The following EIF4G3 variants were observed in gnomAD, a reference collection of about 807,000 sequenced individuals.
EIF4G3 encodes the protein eukaryotic translation initiation factor 4 gamma 3.
Under a neutral mutation model 186.4 loss-of-function variants are expected in EIF4G3, and 34 were observed. That is an observed-to-expected ratio of 0.18 (90% confidence interval 0.14 to 0.24). The LOEUF is 0.24. EIF4G3 is among the 10% of genes least tolerant of loss of function. The pLI, the probability that EIF4G3 is intolerant of heterozygous loss-of-function variation, is 1.00. For missense variants in EIF4G3, 1,536 were observed against 1,948.5 expected (o/e 0.79, Z 3.99); for synonymous variants, 673 against 679.5 (o/e 0.99, Z 0.15).
Position 21,151,236 on chromosome 1 carries a change from C to CTTT in EIF4G3, c.-272+24936_-272+24938dup, listed in dbSNP as rs71014161. On this transcript the variant is annotated intron_variant, in intron 2 of 36. Transcript: ENST00000602326. ...TTTAATGGTTATATAGTATTTCTTT[C>CTTT]TTTTTTTTTTTTTTTTTTTTGAGAT... Among the ~76,000 whole-genome samples the CTTT allele has an allele frequency of 1.2e-4, 10 of 80,436 alleles. 1 individual carries two copies. The highest frequency in any genetic ancestry group is 3.4e-4 in the African/African-American group (7 of 20,792). The allele number at this position is 80,436 out of a possible 152,430, so 52.8% of individuals were successfully genotyped here.
At chr1:20,947,142 T>C (rs1188465674) in intron 13 of EIF4G3, among the ~76,000 whole-genome samples, 1 of 150,974 alleles carries the variant, frequency 6.6e-6, no homozygotes, top group Non-Finnish European at 1.5e-5. Context: ...AGCTCAGGAG[T>C]TTGAGACCAG....
chr1:21,027,231 C>T (rs1431991345), intron 4 of EIF4G3, among the ~76,000 whole-genome samples: 13 of 140,298 alleles, frequency 9.3e-5, no homozygotes, highest in African/African-American at 3.2e-4. Flanking sequence ...CTCGCTCTGT[C>T]GCCCAGGCTG....
intron 20 of EIF4G3, among the ~76,000 whole-genome samples, chr1:20,868,709 T>C (rs1384262694): frequency 2.0e-5 from 3 of 152,172 alleles, no homozygotes; most frequent in Non-Finnish European, 4.4e-5. Flanking sequence ...CACTAAAATG[T>C]GTGTGTTTAA....
intron 30 of EIF4G3, among the ~76,000 whole-genome samples, chr1:20,834,096 T>C (rs760810829): frequency 1.2e-4 from 18 of 152,154 alleles, no homozygotes; most frequent in Non-Finnish European, 2.6e-4. Flanking sequence ...TCAATAATTA[T>C]GTCACATGTA....
At chr1:21,017,698 T>C (rs927477179) in intron 4 of EIF4G3, among the ~76,000 whole-genome samples, 6 of 150,488 alleles carry the variant, frequency 4.0e-5, no homozygotes, top group African/African-American at 1.5e-4. Flanking sequence ...ATCTGTAAAT[T>C]TGTGAGAGTT....
At chr1:21,108,072 T>C (rs1018478109) in intron 2 of EIF4G3, among the ~76,000 whole-genome samples, 3 of 152,310 alleles carry the variant, frequency 2.0e-5, no homozygotes, top group Admixed American at 6.5e-5. Context: ...CGCTTAAGCC[T>C]GGGAGGCAGA....
chr1:20,923,784 CCTCCT>C (rs2094658621), intron 14 of EIF4G3, among the ~76,000 whole-genome samples: 1 of 147,606 alleles, frequency 6.8e-6, no homozygotes, highest in African/African-American at 2.5e-5. Flanking sequence ...TCACTTCCTC[CCTCCT>C]CTCTTCACCT....
Position 21,045,081 on chromosome 1 carries a change from C to T in EIF4G3, c.-67+5785G>A, listed in dbSNP as rs147905344. ...GCTGCAGTGAGCTATGATCACACTG[C>T]TGCACTCCAGCCTGGGTGACAGAGT... is the stretch of plus-strand genomic sequence containing the variant. On this transcript the variant is annotated intron_variant, in intron 4 of 36. Coordinates refer to ENST00000602326, the MANE Select transcript of EIF4G3 (RefSeq NM_001391906.1). Among the ~76,000 whole-genome samples the T allele has an allele frequency of 1.2e-3, 190 of 152,154 alleles. 4 individuals carry two copies. The highest frequency in any genetic ancestry group is 4.4e-4 in the Non-Finnish European group (30 of 68,008).
intron 14 of EIF4G3, among the ~76,000 whole-genome samples, chr1:20,911,005 T>C (rs2093104045): frequency 1.3e-5 from 2 of 152,240 alleles, no homozygotes; most frequent in Admixed American, 1.3e-4. Context: ...ACTTTTAAAG[T>C]TGATTTTCAT....
At chr1:20,930,049 G>A (rs1005663427) in intron 14 of EIF4G3, among the ~76,000 whole-genome samples, 1 of 152,166 alleles carries the variant, frequency 6.6e-6, no homozygotes, top group Admixed American at 6.5e-5. Context: ...AGTCTATTAA[G>A]TGTGAAATAG....
chr1:21,132,939 C>T (rs905466599), intron 2 of EIF4G3, among the ~76,000 whole-genome samples: 1 of 151,836 alleles, frequency 6.6e-6, no homozygotes, highest in African/African-American at 2.4e-5. Flanking sequence ...TGCACCACCA[C>T]GCCCAGCTAA....
rs554028401 is a variant in EIF4G3, at chr1:20,892,841, G to A, written c.2253+676C>T. 18 of 702,080 alleles carry A rather than the reference G, an allele frequency of 2.6e-5. No homozygotes were observed. In the African/African-American group the frequency reaches 3.1e-4, roughly 12 times the overall value. The allele number at this position is 702,080 out of a possible 1,614,324, so 43.5% of individuals were successfully genotyped here. On this transcript the variant is annotated intron_variant, in intron 18 of 36. Coordinates refer to ENST00000602326, the MANE Select transcript of EIF4G3 (RefSeq NM_001391906.1). ...AATCTTATCAAGGTTGGCTCGCTCT[G>A]TATATATATTTTTTCAGAGACAGGG...
intron 2 of EIF4G3, among the ~76,000 whole-genome samples, chr1:21,106,234 A>ATT (rs2096615649): frequency 6.6e-6 from 1 of 152,190 alleles, no homozygotes; most frequent in African/African-American, 2.4e-5. Context: ...GAGGAGATCC[A>ATT]TAATAGCACT....
chr1:20,906,378 A>G (rs1458895798), intron 14 of EIF4G3, among the ~76,000 whole-genome samples: 1 of 152,174 alleles, frequency 6.6e-6, no homozygotes, highest in Non-Finnish European at 1.5e-5. Flanking sequence ...CTCTGCTTCC[A>G]TAGCTGAATC....
intron 7 of EIF4G3, among the ~76,000 whole-genome samples, chr1:20,993,901 C>T (rs546392117): frequency 1.1e-4 from 16 of 152,280 alleles, no homozygotes; most frequent in African/African-American, 3.8e-4. Context: ...ATGCAAGTCT[C>T]TATGTCTTGT....
At chr1:21,022,989 T>A (rs1467636658) in intron 4 of EIF4G3, among the ~76,000 whole-genome samples, 1 of 152,222 alleles carries the variant, frequency 6.6e-6, no homozygotes, top group Non-Finnish European at 1.5e-5. Context: ...GTACCCTCAG[T>A]TAAAAACATT....
chr1:20,921,284 G>A (rs1216723580), intron 14 of EIF4G3, among the ~76,000 whole-genome samples: 2 of 152,166 alleles, frequency 1.3e-5, no homozygotes, highest in African/African-American at 2.4e-5. Flanking sequence ...TAAAGGTAGT[G>A]GGCTTGTAAT....
At position 20,807,343 on chromosome 1, in the gene EIF4G3, T is replaced by C. The variant is rs146669269; in HGVS notation, c.4902A>G (p.Ala1634=). Residue 1634 remains alanine, a synonymous_variant, in exon 37 of 37, where the codon GCA becomes GCG. Coordinates refer to ENST00000602326, the MANE Select transcript of EIF4G3 (RefSeq NM_001391906.1). ...TTTAGTTATCCTCAGACTCCTCTTCTGCTTCCCGCAGCCACGTGAAGAATG... is the reference window on the plus strand; with the variant it reads ...TTTAGTTATCCTCAGACTCCTCTTCCGCTTCCCGCAGCCACGTGAAGAATG... ...VTAFFTWLRE[A]EEESEDN 11,707 of 1,605,852 alleles carry C rather than the reference T, an allele frequency of 7.3e-3. 56 individuals are homozygous for C. The highest frequency in any genetic ancestry group is 9.6e-3 in the Middle Eastern group (58 of 6,032).
At chr1:20,856,694 T>C (rs936053837) in intron 25 of EIF4G3, among the ~76,000 whole-genome samples, 2 of 152,188 alleles carry the variant, frequency 1.3e-5, no homozygotes, top group Non-Finnish European at 2.9e-5. Flanking sequence ...AGGCAAATCT[T>C]TCATGGTTAG....
Sources: gnomAD v4.1 joint callset for allele counts (sites outside exome capture counted in the v4.1 genomes callset) on GRCh38, gnomAD v4.1.1 for gene constraint, MANE v1.5 for transcripts, NCBI Gene and HGNC (gene_info 2026-07-23, HGNC 2026-07-21) for gene names.